Variants in STRAP observed in about 807,000 individuals in gnomAD.
STRAP encodes serine/threonine kinase receptor associated protein, also known as serine-threonine kinase receptor-associated protein.
STRAP carries 16 observed loss-of-function variants against 47.0 expected under a neutral mutation model. The observed-to-expected ratio is 0.34, with a 90% CI of 0.23 to 0.52. The LOEUF is 0.52. STRAP is among the 20% of genes least tolerant of loss of function. The probability of loss-of-function intolerance (pLI) is 0.96; values close to 1 mark genes in which losing one functional copy is unlikely to be tolerated. For missense variants in STRAP, 293 were observed against 420.0 expected, an observed-to-expected ratio of 0.70 and a Z score of 2.64; for synonymous variants, 130 against 142.7, an observed-to-expected ratio of 0.91 and a Z score of 0.63.
Position 15,882,712 on chromosome 12 carries a change from C to T in STRAP, c.5C>T (p.Ala2Val), listed in dbSNP as rs200335719. The T allele has an allele frequency of 8.1e-6, 13 of 1,610,456 alleles. No homozygotes were observed. The highest frequency in any genetic ancestry group is 8.5e-7 in the Non-Finnish European group (1 of 1,179,260). M[A>V]MRQTPLTCSG... ...GTCGCTGGCTTCGCCGCCGCCATGG[C>T]AATGAGACAGACGCCGCTCACCTGC... Residue 2 changes from alanine (A) to valine (V), a missense_variant, in exon 1 of 10, where the codon GCA becomes GTA. Ala to Val is a moderately conservative substitution (Grantham distance 64). Around this residue, in one of 5 missense-constraint regions of STRAP, gnomAD observed 31 missense variants for 39.2 expected, o/e 0.79. Transcript: ENST00000419869.
chr12:15,902,795 A>ACCACAGTATG, intron 9 of STRAP, 122 bp from the exon 10 acceptor site: 1 of 1,222,850 alleles, frequency 8.2e-7, no homozygotes, highest in Admixed American at 3.3e-5. Context: ...TCTTTCCCTT[A>ACCACAGTATG]CCACAGTATG....
In STRAP at chr12:15,887,392, G is replaced by A. The variant is rs1313918350; in HGVS notation, c.249-2536G>A. ...TGAAGAAAATGTTGGAGGGTTAGCT[G>A]CTGAAAGGGTATTGTTAATAGCGCT... On this transcript the variant is annotated intron_variant, in intron 2 of 9. Transcript: ENST00000419869. This position sits in a 1 kb window ranked among gnomAD's most constrained non-coding sequence, Gnocchi z 5.5. Among the ~76,000 whole-genome samples, 1 of 152,192 alleles carries A rather than the reference G, an allele frequency of 6.6e-6. No individual in the cohort carries two copies. Among genetic ancestry groups the A allele is most frequent in the Non-Finnish European group, 1.5e-5 (1 of 68,034 alleles).
In STRAP at chr12:15,894,230, G is replaced by A. The variant is rs1158409084; in HGVS notation, c.500+87G>A. On this transcript the variant is annotated intron_variant, in intron 5 of 9. Transcript: ENST00000419869. The surrounding 1 kb of genome is among the most constrained non-coding windows in gnomAD (Gnocchi z 4.9). Reference sequence around the variant, plus strand: ...ATCTCAGCACTTTGGGAGGCGAGCCGGGTGGATCATTAGAGGTCAGGAGTA... The same window carrying A: ...ATCTCAGCACTTTGGGAGGCGAGCCAGGTGGATCATTAGAGGTCAGGAGTA... 6.8e-6 allele frequency: 7 copies of A among 1,027,796 alleles called. No homozygotes were observed. Among genetic ancestry groups the A allele is most frequent in the East Asian group, 2.5e-5 (1 of 39,530 alleles). 63.7% of individuals were successfully genotyped at this position (1,027,796 alleles called of 1,614,324 possible).
At chr12:15,885,488 C>CTTTTTTTTTTT (rs5796649) in intron 2 of STRAP, among the ~76,000 whole-genome samples, 1,405 of 132,190 alleles carry the variant, frequency 0.011, 31 homozygotes, top group African/African-American at 0.039. Flanking sequence ...CGTGCCTGGC[C>CTTTTTTTTTTT]TTTTTTTTTT....
At chr12:15,893,832 A>C (rs971219401) in intron 4 of STRAP, among the ~76,000 whole-genome samples, 1 of 151,858 alleles carries the variant, frequency 6.6e-6, no homozygotes, top group Non-Finnish European at 1.5e-5. Context: ...CAAGCATGGT[A>C]GTTCCTTGGG....
intron 4 of STRAP, among the ~76,000 whole-genome samples, chr12:15,891,038 CA>C (rs1231258446): frequency 6.9e-6 from 1 of 145,984 alleles, no homozygotes; most frequent in Non-Finnish European, 1.5e-5. Flanking sequence ...CCAGCCTGGG[CA>C]ATAAGAGTGA....
chr12:15,899,598 A>G (rs1214195978), intron 7 of STRAP, among the ~76,000 whole-genome samples: 2 of 152,226 alleles, frequency 1.3e-5, no homozygotes, highest in African/African-American at 4.8e-5. Flanking sequence ...TCTACTTTCT[A>G]TAGAATTAAT....
chr12:15,882,423 T>C lies in STRAP; in HGVS notation c.-285T>C. 1 of 494,526 alleles carries C rather than the reference T, an allele frequency of 2.0e-6. No individual in the cohort carries two copies. The highest frequency in any genetic ancestry group is 3.7e-6 in the Non-Finnish European group (1 of 273,744). 30.6% of individuals were successfully genotyped at this position (494,526 alleles called of 1,614,324 possible). A position where few individuals can be genotyped will look rare whatever the true frequency, so the allele number is the denominator to read the frequency against. On this transcript the variant is annotated 5_prime_UTR_variant, in exon 1 of 10. An upstream open reading frame in the 5' UTR loses its in-frame stop. Coordinates refer to ENST00000419869, the MANE Select transcript of STRAP (RefSeq NM_007178.4). ...CCTGCCGATGCCGGTGTGGACGCTGTGAATCGTGGCTGGCCCGGTTCTCCG... is the reference window on the plus strand; with the variant it reads ...CCTGCCGATGCCGGTGTGGACGCTGCGAATCGTGGCTGGCCCGGTTCTCCG...
At chr12:15,898,462 CAG>C (rs1948078135) in intron 7 of STRAP, among the ~76,000 whole-genome samples, 1 of 152,118 alleles carries the variant, frequency 6.6e-6, no homozygotes, top group Non-Finnish European at 1.5e-5. Context: ...CCGTAAAGAA[CAG>C]TGTGTGGGGG....
In STRAP at chr12:15,894,985, G is replaced by A. The variant is rs915598494; in HGVS notation, c.501-374G>A. Reference sequence around the variant, plus strand: ...AATTCTATACAAAATCTTGTGTGCTGACACCTGATGTATATTTCTTTGGAA... The same window carrying A: ...AATTCTATACAAAATCTTGTGTGCTAACACCTGATGTATATTTCTTTGGAA... On this transcript the variant is annotated intron_variant, in intron 5 of 9. Transcript: ENST00000419869. This position sits in a 1 kb window ranked among gnomAD's most constrained non-coding sequence, Gnocchi z 4.9. 5.3e-5 allele frequency among the ~76,000 whole-genome samples: 8 copies of A among 152,162 alleles called. No homozygotes were observed. Among genetic ancestry groups the A allele is most frequent in the African/African-American group, 1.9e-4 (8 of 41,424 alleles).
intron 7 of STRAP, 30 bp downstream of exon 7, chr12:15,898,048 A>G: frequency 6.3e-7 from 1 of 1,580,496 alleles, no homozygotes; most frequent in Non-Finnish European, 8.6e-7. Flanking sequence ...TGATGTGGTT[A>G]CCTTTATCAT....
intron 2 of STRAP, among the ~76,000 whole-genome samples, chr12:15,884,832 A>C (rs1947955581): frequency 6.6e-6 from 1 of 152,190 alleles, no homozygotes; most frequent in South Asian, 2.1e-4. Context: ...GACACATTTC[A>C]ATTGTTGGCC....
intron 9 of STRAP, among the ~76,000 whole-genome samples, chr12:15,901,597 A>G (rs1353120875): frequency 2.0e-5 from 3 of 152,190 alleles, no homozygotes; most frequent in African/African-American, 7.2e-5. Flanking sequence ...GTTTTATACT[A>G]AGAGCAATGA....
intron 2 of STRAP, among the ~76,000 whole-genome samples, chr12:15,885,962 C>T (rs1443578309): frequency 6.6e-6 from 1 of 152,174 alleles, no homozygotes. Context: ...ATCAAAATCA[C>T]ATATTATTTT....
rs777545691 is a variant in STRAP, at chr12:15,890,646, A to G, written c.380A>G (p.Tyr127Cys). 1.2e-6 allele frequency: 2 copies of G among 1,610,932 alleles called. No homozygotes were observed. The highest frequency in any genetic ancestry group is 2.2e-5 in the South Asian group (2 of 90,294). The change falls in exon 4 of 10, where the codon TAT (tyrosine) becomes TGT (cysteine). Residue 127 changes from tyrosine (Y) to cysteine (C), a missense_variant. Tyr to Cys is a radical substitution (Grantham distance 194). Transcript: ENST00000419869. The surrounding 1 kb of genome is among the most constrained non-coding windows in gnomAD (Gnocchi z 4.5). ...TGGQDKLLRIYDLNKPEAEPK... is the reference protein window; with the variant it reads ...TGGQDKLLRICDLNKPEAEPK... ...GGACAGGATAAACTGTTACGCATAT[A>G]TGACTTGAACAAACCTGAAGCAGGT...
At position 15,894,043 on chromosome 12, in the gene STRAP, C is replaced by G; in HGVS notation, c.404-4C>G. 6 of 1,603,540 alleles carry G rather than the reference C, an allele frequency of 3.7e-6. No individual in the cohort carries two copies. The highest frequency in any genetic ancestry group is 4.3e-6 in the Non-Finnish European group (5 of 1,171,482). ...AAATGTACTTTAAATTGTTTTATCTCAAGAACCTAAGGAAATTAGTGGTCA... is the reference window on the plus strand; with the variant it reads ...AAATGTACTTTAAATTGTTTTATCTGAAGAACCTAAGGAAATTAGTGGTCA... On this transcript the variant is annotated splice_region_variant and splice_polypyrimidine_tract_variant and intron_variant, in intron 4 of 9. Transcript: ENST00000419869. This position sits in a 1 kb window ranked among gnomAD's most constrained non-coding sequence, Gnocchi z 4.9.
chr12:15,900,980 T>C lies in STRAP; in HGVS notation c.959T>C (p.Ile320Thr), dbSNP rs150448537. Residue 320 changes from isoleucine to threonine, a missense_variant, in exon 9 of 10, where the codon ATT becomes ACT. Around this residue, in one of 5 missense-constraint regions of STRAP, gnomAD observed 52 missense variants for 45.0 expected, o/e 1.16. Transcript: ENST00000419869. ...EDSGELAKPKIGFPETTEEEL... is the reference protein window; with the variant it reads ...EDSGELAKPKTGFPETTEEEL... ...AGTGGTGAGCTGGCAAAGCCAAAGA[T>C]TGGTTTTCCAGAGACAACAGAAGAG... The C allele has an allele frequency of 1.4e-5, 22 of 1,599,084 alleles. No individual in the cohort carries two copies. The South Asian group carries it at 1.5e-4, about 11-fold the overall frequency.
intron 4 of STRAP, among the ~76,000 whole-genome samples, 199 bp from the exon 5 acceptor site, chr12:15,893,848 G>A (rs940765218): frequency 6.6e-6 from 1 of 151,888 alleles, no homozygotes; most frequent in Non-Finnish European, 1.5e-5. Flanking sequence ...TTGGGTCCCT[G>A]TCATGCAGAT....
intron 7 of STRAP, 55 bp downstream of exon 7, chr12:15,898,073 T>G: frequency 2.1e-6 from 3 of 1,449,742 alleles, no homozygotes; most frequent in African/African-American, 1.5e-5. Context: ...TAAGTCCCAG[T>G]AATTAACACC....
Sources: allele counts gnomAD v4.1 joint callset (sites outside exome capture counted in the v4.1 genomes callset), GRCh38; gene constraint gnomAD v4.1.1; regional missense constraint gnomAD v4.1.1; non-coding constraint Gnocchi (gnomAD v3.1); transcripts MANE v1.5; gene names NCBI Gene and HGNC (gene_info 2026-07-23, HGNC 2026-07-21).